COQ3: variants seen among roughly 807,000 people sequenced by gnomAD.
COQ3 encodes ubiquinone biosynthesis O-methyltransferase, mitochondrial.
Under a neutral mutation model 33.1 loss-of-function variants are expected in COQ3, and 29 were observed. The ratio of observed to expected loss-of-function variants is 0.88; its 90% confidence interval spans 0.65 to 1.19. The LOEUF (loss-of-function observed/expected upper bound fraction) is 1.19. COQ3 is among the 50% of genes most tolerant of loss of function. COQ3 has a pLI of 0.00. For missense variants in COQ3, 437 were observed against 430.7 expected (o/e 1.01, Z -0.13); for synonymous variants, 173 against 157.8 (o/e 1.10, Z -0.72).
chr6:99,391,090 T>TATTTATTG (rs1554209251), intron 1 of COQ3, among the ~76,000 whole-genome samples: 324 of 121,918 alleles, frequency 2.7e-3, no homozygotes, highest in Non-Finnish European at 4.3e-3. Context: ...TTTATTTATT[T>TATTTATTG]ATTTATTTAT....
intron 5 of COQ3, among the ~76,000 whole-genome samples, chr6:99,374,071 A>G (rs915539630): frequency 1.3e-5 from 2 of 151,596 alleles, no homozygotes; most frequent in Non-Finnish European, 2.9e-5. Flanking sequence ...AATGACAACT[A>G]AATACATGTA....
At chr6:99,390,311 A>C (rs1458363435) in intron 1 of COQ3, among the ~76,000 whole-genome samples, 1 of 150,050 alleles carries the variant, frequency 6.7e-6, no homozygotes, top group South Asian at 2.1e-4. Flanking sequence ...GTTTTCCCAC[A>C]CTGTCACCCA....
intron 5 of COQ3, among the ~76,000 whole-genome samples, chr6:99,373,605 C>A (rs9402705): frequency 0.36 from 55,175 of 151,960 alleles, 10,417 homozygotes; most frequent in South Asian, 0.57. Context: ...AAGAACCTCC[C>A]TTCATACACA....
intron 6 of COQ3, among the ~76,000 whole-genome samples, chr6:99,370,746 G>C (rs949191697): frequency 6.6e-6 from 1 of 151,810 alleles, no homozygotes; most frequent in Non-Finnish European, 1.5e-5. Flanking sequence ...TTTACTGATA[G>C]ACTTATATGA....
intron 5 of COQ3, 64 bp from the exon 6 acceptor site, chr6:99,371,651 G>T: frequency 9.1e-7 from 1 of 1,099,668 alleles, no homozygotes; most frequent in Non-Finnish European, 1.3e-6. Flanking sequence ...TTAAGTAAAA[G>T]CTGTTTCCCC....
intron 5 of COQ3, among the ~76,000 whole-genome samples, chr6:99,374,977 A>G (rs1157581657): frequency 6.6e-6 from 1 of 151,446 alleles, no homozygotes; most frequent in African/African-American, 2.4e-5. Context: ...CATCCAAATC[A>G]ATTTCTTTCT....
At position 99,376,183 on chromosome 6, in the gene COQ3, C is replaced by A. The variant is rs1368964551; in HGVS notation, c.487-1G>T. On this transcript the variant is annotated splice_acceptor_variant, in intron 4 of 6. Coordinates refer to ENST00000254759, the MANE Select transcript of COQ3 (RefSeq NM_017421.4). LOFTEE classifies it high-confidence loss of function. ...CTGAAGCCCCAAGCCGCCCTAGAGG[C>A]TAATGGCATTAAAAAAACTGTTACC... 8 of 1,611,356 alleles carry A rather than the reference C, an allele frequency of 5.0e-6. No individual in the cohort carries two copies. Among genetic ancestry groups the A allele is most frequent in the Non-Finnish European group, 6.8e-6 (8 of 1,178,902 alleles).
intron 2 of COQ3, 55 bp downstream of exon 2, chr6:99,383,642 TA>T: frequency 7.4e-7 from 1 of 1,359,418 alleles, no homozygotes. Context: ...AAGATAATAC[TA>T]AAAACCTATT....
intron 2 of COQ3, chr6:99,383,047 CGCTTGAACCCGGGAGGTGGAGG>C (rs1774518402): frequency 6.6e-6 from 1 of 151,966 alleles, no homozygotes; most frequent in Non-Finnish European, 1.5e-5. Flanking sequence ...GCAGGAGAAT[CGCTTGAACCCGGGAGGTGGAGG>C]TTGCAGTGAG....
At chr6:99,376,412 T>TA (rs1418602952) in intron 4 of COQ3, among the ~76,000 whole-genome samples, 5 of 152,106 alleles carry the variant, frequency 3.3e-5, no homozygotes, top group East Asian at 1.9e-4. Context: ...AAAAAACTGA[T>TA]AAAAAACTAC....
intron 1 of COQ3, among the ~76,000 whole-genome samples, chr6:99,388,915 ACACACACACACACACACACC>A (rs1358571206): frequency 1.3e-5 from 2 of 149,278 alleles, no homozygotes; most frequent in Admixed American, 6.7e-5. Flanking sequence ...ACACACACAC[ACACACACACACACACACACC>A]CACATCCTCA....
chr6:99,377,668 G>T lies in COQ3; in HGVS notation c.387-183C>A, dbSNP rs180782511. On this transcript the variant is annotated intron_variant, in intron 3 of 6. Coordinates refer to ENST00000254759, the MANE Select transcript of COQ3 (RefSeq NM_017421.4). ...AAACATTTTCAATAATCAAAAGCAGGATGCTTAAAGGTCTGAAATAATCTA... is the reference window on the plus strand; with the variant it reads ...AAACATTTTCAATAATCAAAAGCAGTATGCTTAAAGGTCTGAAATAATCTA... Among the ~76,000 whole-genome samples, 24 of 151,906 alleles carry T rather than the reference G, an allele frequency of 1.6e-4. No homozygotes were observed. The East Asian group carries it at 3.3e-3, about 21-fold the overall frequency.
intron 6 of COQ3, 70 bp downstream of exon 6, chr6:99,371,358 G>T (rs556986614): frequency 8.9e-6 from 9 of 1,013,842 alleles, no homozygotes; most frequent in South Asian, 1.6e-5. Context: ...GGCTAAGTGC[G>T]TAATAATTAC....
At chr6:99,375,913 C>T (rs764398186) in intron 5 of COQ3, 27 bp downstream of exon 5, 2 of 1,611,374 alleles carry the variant, frequency 1.2e-6, no homozygotes, top group African/African-American at 2.7e-5. Context: ...GAAGAAGAAA[C>T]CAAGATGTAA....
At position 99,370,438 on chromosome 6, in the gene COQ3, T is replaced by C. The variant is rs183716119; in HGVS notation, c.890-618A>G. Among the ~76,000 whole-genome samples, 6 of 140,832 alleles carry C rather than the reference T, an allele frequency of 4.3e-5. No individual in the cohort carries two copies. In the East Asian group the frequency reaches 1.4e-3, roughly 32 times the overall value. 92.4% of individuals were successfully genotyped at this position (140,832 alleles called of 152,430 possible). ...ATCTTGACTCACTGCAACCTCCATC[T>C]CCTGATTTCAAGTGATTCTCCTGCC... On this transcript the variant is annotated intron_variant, in intron 6 of 6. Coordinates refer to ENST00000254759, the MANE Select transcript of COQ3 (RefSeq NM_017421.4).
intron 3 of COQ3, among the ~76,000 whole-genome samples, chr6:99,379,192 C>T: frequency 6.6e-6 from 1 of 151,924 alleles, no homozygotes; most frequent in East Asian, 1.9e-4. Context: ...TGGTTGGAGC[C>T]TTTCAGAAAT....
At chr6:99,378,409 T>C (rs1254643971) in intron 3 of COQ3, among the ~76,000 whole-genome samples, 2 of 152,028 alleles carry the variant, frequency 1.3e-5, no homozygotes, top group East Asian at 3.9e-4. Flanking sequence ...TACATCATAA[T>C]TTAGATCATA....
At position 99,375,898 on chromosome 6, in the gene COQ3, A is replaced by C. The variant is rs776155854; in HGVS notation, c.729+42T>G. 3.1e-6 allele frequency: 5 copies of C among 1,606,394 alleles called. No homozygotes were observed. The Admixed American group carries it at 6.7e-5, about 22-fold the overall frequency. ...TATTGCTATAGATACAAATACACAC[A>C]CTCAGAAGAAGAAACCAAGATGTAA... On this transcript the variant is annotated intron_variant, in intron 5 of 6. Coordinates refer to ENST00000254759, the MANE Select transcript of COQ3 (RefSeq NM_017421.4).
chr6:99,379,072 T>C (rs1774392882), intron 3 of COQ3, among the ~76,000 whole-genome samples: 1 of 151,864 alleles, frequency 6.6e-6, no homozygotes, highest in African/African-American at 2.4e-5. Context: ...CGTGCAGGTT[T>C]GTTACATGTG....
Sources: gnomAD v4.1 joint callset for allele counts (sites outside exome capture counted in the v4.1 genomes callset) on GRCh38, gnomAD v4.1.1 for gene constraint, MANE v1.5 for transcripts, NCBI Gene and HGNC (gene_info 2026-07-23, HGNC 2026-07-21) for gene names.